The following KATNIP variants were observed in gnomAD, a reference collection of about 807,000 sequenced individuals.
KATNIP encodes katanin interacting protein.
Under a neutral mutation model 174.0 loss-of-function variants are expected in KATNIP, and 126 were observed. The observed-to-expected ratio is 0.72, with a 90% CI of 0.63 to 0.84. The LOEUF (loss-of-function observed/expected upper bound fraction) is 0.84, where lower values mean the gene tolerates loss of function less well. KATNIP is among the 40% of genes least tolerant of loss of function. The pLI is 0.00. For missense variants in KATNIP, 1,958 were observed against 2,109.7 expected (o/e 0.93, Z 1.41); for synonymous variants, 810 against 835.7 (o/e 0.97, Z 0.53).
intron 6 of KATNIP, among the ~76,000 whole-genome samples, chr16:27,674,237 G>A (rs1157423594): frequency 6.6e-6 from 1 of 152,232 alleles, no homozygotes; most frequent in Admixed American, 6.5e-5. Flanking sequence ...ATTTGCTGCT[G>A]TAACAACTTG....
At chr16:27,558,475 T>C (rs1007906727) in intron 1 of KATNIP, among the ~76,000 whole-genome samples, 2 of 152,212 alleles carry the variant, frequency 1.3e-5, no homozygotes, top group Non-Finnish European at 2.9e-5. Context: ...AAAAAGGGAA[T>C]ATATTATCTG....
intron 18 of KATNIP, among the ~76,000 whole-genome samples, chr16:27,760,949 G>A (rs777474376): frequency 6.6e-6 from 1 of 152,194 alleles, no homozygotes; most frequent in Non-Finnish European, 1.5e-5. Flanking sequence ...CTAGGGAGGG[G>A]TGACAGCACA....
Position 27,637,477 on chromosome 16 carries a change from A to C in KATNIP, c.408+6315A>C, listed in dbSNP as rs1023821073. 6.6e-6 allele frequency among the ~76,000 whole-genome samples: 1 copy of C among 152,200 alleles called. No individual in the cohort carries two copies. Among genetic ancestry groups the C allele is most frequent in the African/African-American group, 2.4e-5 (1 of 41,448 alleles). ...CTACGAAGGAAGGACAGAGGACAGC[A>C]GCCTGAAAGAGAAGCTGTCGGGGGA... On this transcript the variant is annotated intron_variant, in intron 5 of 27. Transcript: ENST00000261588. This position sits in a 1 kb window ranked among gnomAD's most constrained non-coding sequence, Gnocchi z 4.7.
rs766540931 is a variant in KATNIP, at chr16:27,773,127, C to A, written c.4227C>A (p.Ser1409Arg). 1.4e-5 allele frequency: 22 copies of A among 1,611,642 alleles called. No individual in the cohort carries two copies. Among genetic ancestry groups the A allele is most frequent in the Non-Finnish European group, 1.9e-5 (22 of 1,178,872 alleles). ...GFIFQFQLLTSWGDPYYIGLT... is the reference protein window; with the variant it reads ...GFIFQFQLLTRWGDPYYIGLT... ...TTTTCCAGTTTCAGCTTCTCACCAG[C>A]TGGGGCGACCCCTACTACATCGGCC... The change falls in exon 23 of 28, where the codon AGC becomes AGA. Residue 1409 changes from serine (S) to arginine (R), a missense_variant. By Grantham distance (110) the Ser-to-Arg change is moderately radical. Coordinates refer to ENST00000261588, the MANE Select transcript of KATNIP (RefSeq NM_015202.5).
In KATNIP at chr16:27,708,470, T is replaced by C. The variant is rs993581694; in HGVS notation, c.1390-235T>C. ...TTTATTTGTAAACTTTCAAACAGAATGCTCACAGAGTGCCAGTTACACAGG... is the reference window on the plus strand; with the variant it reads ...TTTATTTGTAAACTTTCAAACAGAACGCTCACAGAGTGCCAGTTACACAGG... On this transcript the variant is annotated intron_variant, in intron 12 of 27. Coordinates refer to ENST00000261588, the MANE Select transcript of KATNIP (RefSeq NM_015202.5). 14 of 473,884 alleles carry C rather than the reference T, an allele frequency of 3.0e-5. 1 individual carries two copies. Among genetic ancestry groups the C allele is most frequent in the South Asian group, 8.6e-5 (2 of 23,230 alleles). The allele number at this position is 473,884 out of a possible 1,614,324, so 29.4% of individuals were successfully genotyped here.
At chr16:27,772,692 C>G (rs2082349183) in intron 22 of KATNIP, among the ~76,000 whole-genome samples, 1 of 152,234 alleles carries the variant, frequency 6.6e-6, no homozygotes, top group African/African-American at 2.4e-5. Context: ...ACCAGGGAAA[C>G]TGGAGCATTT....
intron 2 of KATNIP, among the ~76,000 whole-genome samples, chr16:27,609,695 A>ATTTT (rs34407543): frequency 7.6e-6 from 1 of 131,086 alleles, no homozygotes; most frequent in Non-Finnish European, 1.6e-5. Context: ...CTGCCAAGTC[A>ATTTT]TTTTTTTTTT....
At chr16:27,599,810 G>A (rs1014107883) in intron 2 of KATNIP, among the ~76,000 whole-genome samples, 2 of 152,166 alleles carry the variant, frequency 1.3e-5, no homozygotes, top group East Asian at 1.9e-4. Context: ...GTGGGCACGC[G>A]GTGTTTGTGG....
chr16:27,595,183 G>A (rs2075298755), intron 2 of KATNIP, among the ~76,000 whole-genome samples: 1 of 152,128 alleles, frequency 6.6e-6, no homozygotes, highest in South Asian at 2.1e-4. Context: ...CCAGGAGTTC[G>A]AGATCAGCCT....
chr16:27,636,474 C>T (rs1294870859), intron 5 of KATNIP, among the ~76,000 whole-genome samples: 1 of 152,224 alleles, frequency 6.6e-6, no homozygotes, highest in African/African-American at 2.4e-5. Flanking sequence ...CTTTGGACTG[C>T]TCACTGGCTG....
At chr16:27,557,077 T>C (rs911698588) in intron 1 of KATNIP, among the ~76,000 whole-genome samples, 13 of 152,198 alleles carry the variant, frequency 8.5e-5, no homozygotes, top group Non-Finnish European at 1.6e-4. Flanking sequence ...ATGAGTAAGA[T>C]TGAATCCAGG....
At chr16:27,598,740 C>T (rs1298758077) in intron 2 of KATNIP, among the ~76,000 whole-genome samples, 1 of 152,148 alleles carries the variant, frequency 6.6e-6, no homozygotes, top group African/African-American at 2.4e-5. Context: ...CTAAGCGTTC[C>T]CAGGATGCAG....
At chr16:27,584,264 C>T (rs985875660) in intron 2 of KATNIP, among the ~76,000 whole-genome samples, 4 of 152,036 alleles carry the variant, frequency 2.6e-5, no homozygotes, top group Non-Finnish European at 5.9e-5. Context: ...AAGGCTAACT[C>T]TTCAGCCACG....
intron 2 of KATNIP, among the ~76,000 whole-genome samples, chr16:27,579,766 C>G (rs2090626674): frequency 6.6e-6 from 1 of 152,154 alleles, no homozygotes; most frequent in Non-Finnish European, 1.5e-5. Context: ...ACAGCACACT[C>G]ATCTGCTGAA....
intron 1 of KATNIP, among the ~76,000 whole-genome samples, chr16:27,570,700 G>A (rs2090256652): frequency 6.6e-6 from 1 of 152,190 alleles, no homozygotes; most frequent in Non-Finnish European, 1.5e-5. Flanking sequence ...ACATTGGGCT[G>A]GCGTCATCTC....
Position 27,688,247 on chromosome 16 carries a change from C to T in KATNIP, c.940+6717C>T, listed in dbSNP as rs556113098. Among the ~76,000 whole-genome samples, 107 of 152,064 alleles carry T rather than the reference C, an allele frequency of 7.0e-4. 1 individual carries two copies. The highest frequency in any genetic ancestry group is 2.4e-3 in the African/African-American group (101 of 41,488). On this transcript the variant is annotated intron_variant, in intron 8 of 27. Coordinates refer to ENST00000261588, the MANE Select transcript of KATNIP (RefSeq NM_015202.5). ...CCCAGGAGTTCAAGACCAGCCTGGG[C>T]GGTGTAGTGAGACCTTGTCTCTATT...
intron 1 of KATNIP, among the ~76,000 whole-genome samples, chr16:27,567,769 C>A (rs1298004611): frequency 6.6e-6 from 1 of 152,164 alleles, no homozygotes; most frequent in Admixed American, 6.5e-5. Context: ...CTCAGGTAAT[C>A]CACCCGCCTC....
chr16:27,581,066 CAT>C (rs149459250), intron 2 of KATNIP, among the ~76,000 whole-genome samples: 1 of 151,222 alleles, frequency 6.6e-6, no homozygotes, highest in Non-Finnish European at 1.5e-5. Context: ...ATCTCTAAAA[CAT>C]ATATATATAT....
intron 13 of KATNIP, among the ~76,000 whole-genome samples, chr16:27,719,927 C>G (rs2080143458): frequency 6.6e-6 from 1 of 152,188 alleles, no homozygotes; most frequent in South Asian, 2.1e-4. Flanking sequence ...CTGCCTCAGC[C>G]TCCCAAGTCA....
Sources: allele counts gnomAD v4.1 joint callset (sites outside exome capture counted in the v4.1 genomes callset), GRCh38; gene constraint gnomAD v4.1.1; non-coding constraint Gnocchi (gnomAD v3.1); transcripts MANE v1.5; gene names NCBI Gene and HGNC (gene_info 2026-07-23, HGNC 2026-07-21).